The following C12orf54 variants were observed in gnomAD, a reference collection of about 807,000 sequenced individuals.
C12orf54 encodes the protein chromosome 12 open reading frame 54, also known as uncharacterized protein C12orf54.
C12orf54 carries 24 observed loss-of-function variants against 26.4 expected under a neutral mutation model. The ratio of observed to expected loss-of-function variants is 0.91; its 90% CI spans 0.66 to 1.28. The LOEUF (loss-of-function observed/expected upper bound fraction) is 1.28, where lower values mean the gene tolerates loss of function less well. Among genes scored for constraint, C12orf54 ranks in the 50% most tolerant of loss-of-function variants. C12orf54 has a pLI of 0.00. For synonymous variants in C12orf54, 54 were observed against 47.0 expected (o/e 1.15, Z -0.61); for missense variants, 154 against 150.9 (o/e 1.02, Z -0.11).
intron 5 of C12orf54, among the ~76,000 whole-genome samples, chr12:48,490,403 C>T (rs1019885136): frequency 6.6e-6 from 1 of 152,050 alleles, no homozygotes; most frequent in African/African-American, 2.4e-5. Flanking sequence ...GGTGGTAATC[C>T]CAGCACTTTG....
chr12:48,440,277 G>A, the C12orf54 span, among the ~76,000 whole-genome samples: 39 of 152,192 alleles, frequency 2.6e-4, no homozygotes, highest in Non-Finnish European at 5.1e-4. Flanking sequence ...GCAGAAAAAT[G>A]TCCTTGTTCT....
chr12:48,423,568 C>A, the C12orf54 span, among the ~76,000 whole-genome samples: 1 of 151,942 alleles, frequency 6.6e-6, no homozygotes, highest in African/African-American at 2.4e-5. Context: ...CCCATCTGAA[C>A]GCCCCCAAAT....
chr12:48,493,944 T>C (rs947802105), intron 7 of C12orf54, among the ~76,000 whole-genome samples: 2 of 150,938 alleles, frequency 1.3e-5, no homozygotes, highest in Non-Finnish European at 3.0e-5. Flanking sequence ...TTAGGCCAGG[T>C]GCGGTGGCTC....
chr12:48,488,941 G>T lies in C12orf54; in HGVS notation c.153G>T (p.Lys51Asn). ...TCTGTCAGGTGCTGACAGTTTTTAA[G>T]GATATACAAAAGGAGGTGAGATTAG... Reference protein sequence around the residue: ...TLWDQVLTVFKDIQKELQEDA... With the variant: ...TLWDQVLTVFNDIQKELQEDA... Residue 51 changes from lysine (K) to asparagine (N), a missense_variant, in exon 5 of 9, where the codon AAG (lysine) becomes AAT (asparagine). Physicochemically the swap from Lys to Asn is moderately conservative, Grantham distance 94. Coordinates refer to ENST00000548364, the MANE Select transcript of C12orf54 (RefSeq NM_152319.4). 1 of 1,611,186 alleles carries T rather than the reference G, an allele frequency of 6.2e-7. No individual in the cohort carries two copies. Among genetic ancestry groups the T allele is most frequent in the East Asian group, 2.2e-5 (1 of 44,838 alleles).
the C12orf54 span, among the ~76,000 whole-genome samples, chr12:48,467,454 A>G: frequency 6.6e-6 from 1 of 152,324 alleles, no homozygotes; most frequent in African/African-American, 2.4e-5. Flanking sequence ...CTACTCAGCA[A>G]TGAAAATGAA....
chr12:48,458,859 CTA>C, the C12orf54 span, among the ~76,000 whole-genome samples: 1 of 152,024 alleles, frequency 6.6e-6, no homozygotes, highest in African/African-American at 2.4e-5. Flanking sequence ...TGAAACATTA[CTA>C]TCTTACTTAG....
chr12:48,493,031 T>A (rs1937826161), intron 7 of C12orf54, 36 bp downstream of exon 7: 8 of 1,584,664 alleles, frequency 5.0e-6, no homozygotes, highest in Non-Finnish European at 6.9e-6. Flanking sequence ...TCAAGGGAGA[T>A]GGCACCCACC....
the C12orf54 span, chr12:48,473,382 G>C: frequency 1.0e-6 from 1 of 984,684 alleles, no homozygotes; most frequent in Non-Finnish European, 1.6e-6. Flanking sequence ...GCGAAAATAA[G>C]AAACTGAAGA....
At chr12:48,474,971 G>A in the C12orf54 span, among the ~76,000 whole-genome samples, 3 of 152,338 alleles carry the variant, frequency 2.0e-5, no homozygotes, top group African/African-American at 7.2e-5. Flanking sequence ...CCTGACCCCT[G>A]AGTAGCCTAA....
At chr12:48,483,446 C>G (rs1222296654) in intron 2 of C12orf54, 85 bp downstream of exon 2, 1 of 1,317,812 alleles carries the variant, frequency 7.6e-7, no homozygotes, top group Admixed American at 2.0e-5. Flanking sequence ...TCTTCTATGG[C>G]TCTTCATTTG....
chr12:48,479,321 A>G (rs1046156458), upstream of C12orf54, among the ~76,000 whole-genome samples: 2 of 152,128 alleles, frequency 1.3e-5, no homozygotes, highest in African/African-American at 4.8e-5. Context: ...ATGAGAACAC[A>G]TGGACACAGG....
At chr12:48,440,427 A>T in the C12orf54 span, among the ~76,000 whole-genome samples, 1 of 152,192 alleles carries the variant, frequency 6.6e-6, no homozygotes, top group Non-Finnish European at 1.5e-5. Flanking sequence ...CCTCCCTCAA[A>T]TATAGTTCTC....
intron 6 of C12orf54, among the ~76,000 whole-genome samples, chr12:48,491,314 A>G (rs1255830222): frequency 6.6e-6 from 1 of 152,186 alleles, no homozygotes; most frequent in Non-Finnish European, 1.5e-5. Context: ...GGAGTAAAGG[A>G]ATTCTCTAGG....
the C12orf54 span, among the ~76,000 whole-genome samples, chr12:48,461,482 TG>T: frequency 6.6e-6 from 1 of 152,008 alleles, no homozygotes; most frequent in African/African-American, 2.4e-5. Flanking sequence ...GACCACATTC[TG>T]GGCTATAAAC....
chr12:48,459,722 G>A, the C12orf54 span, among the ~76,000 whole-genome samples: 2 of 152,124 alleles, frequency 1.3e-5, no homozygotes, highest in African/African-American at 4.8e-5. Context: ...AAATCAAAAC[G>A]AACAAAGGGA....
the C12orf54 span, among the ~76,000 whole-genome samples, chr12:48,416,916 G>A: frequency 1.3e-5 from 2 of 151,932 alleles, no homozygotes; most frequent in African/African-American, 4.8e-5. Flanking sequence ...GATTAATGCT[G>A]TTGCCATGAG....
At chr12:48,421,799 G>T in the C12orf54 span, among the ~76,000 whole-genome samples, 21,507 of 152,088 alleles carry the variant, frequency 0.14, 2,054 homozygotes, top group Non-Finnish European at 0.22. Context: ...CAAAGTGCTG[G>T]GATTACAGGC....
chr12:48,427,172 G>A, the C12orf54 span, among the ~76,000 whole-genome samples: 3 of 152,286 alleles, frequency 2.0e-5, no homozygotes, highest in South Asian at 6.2e-4. Context: ...CAAGAGGAAT[G>A]TTTCAAGCTG....
the C12orf54 span, among the ~76,000 whole-genome samples, chr12:48,415,843 T>C: frequency 3.9e-5 from 6 of 152,158 alleles, no homozygotes; most frequent in Admixed American, 2.6e-4. Flanking sequence ...CTAATACAGA[T>C]TTGGGCATTT....
Sources: allele counts gnomAD v4.1 joint callset (sites outside exome capture counted in the v4.1 genomes callset), GRCh38; gene constraint gnomAD v4.1.1; transcripts MANE v1.5; gene names NCBI Gene and HGNC (gene_info 2026-07-23, HGNC 2026-07-21).